ADAM7: variants seen among roughly 807,000 people sequenced by gnomAD.
ADAM7 encodes disintegrin and metalloproteinase domain-containing protein 7.
In ADAM7, 97 loss-of-function variants were observed where a neutral mutation model predicts 102.9. The observed-to-expected ratio is 0.94, with a 90% CI of 0.80 to 1.12. ADAM7 has a LOEUF of 1.12. ADAM7 is among the 50% of genes most tolerant of loss of function. The probability of loss-of-function intolerance (pLI) is 0.00; values close to 1 mark genes in which losing one functional copy is unlikely to be tolerated. For missense variants in ADAM7, 991 were observed against 908.7 expected, an observed-to-expected ratio of 1.09 and a Z score of -1.16; for synonymous variants, 334 against 304.4, an observed-to-expected ratio of 1.10 and a Z score of -1.01.
At chr8:24,501,630 G>C in intron 20 of ADAM7, 54 bp downstream of exon 20, 4 of 1,369,860 alleles carry the variant, frequency 2.9e-6, no homozygotes, top group Non-Finnish European at 4.0e-6. Context: ...TTTTTAAGTA[G>C]CTGAATGTGT....
At chr8:24,468,148 AC>A (rs1443273340) in intron 6 of ADAM7, among the ~76,000 whole-genome samples, 2 of 152,186 alleles carry the variant, frequency 1.3e-5, no homozygotes, top group Non-Finnish European at 2.9e-5. Context: ...AATTGAGACT[AC>A]TGAAAATTAG....
chr8:24,468,574 T>TTTTAATCCC (rs1819505266), intron 6 of ADAM7, among the ~76,000 whole-genome samples, 193 bp from the exon 7 acceptor site: 4 of 152,098 alleles, frequency 2.6e-5, no homozygotes, highest in Admixed American at 2.6e-4. Flanking sequence ...ATCCGATGTA[T>TTTTAATCCC]AGGACCCCAT....
intron 20 of ADAM7, chr8:24,506,270 T>A (rs1585939998): frequency 2.4e-6 from 2 of 832,376 alleles, no homozygotes; most frequent in East Asian, 2.7e-5. Flanking sequence ...ATAACATCGA[T>A]AGCTCTCTGA....
chr8:24,473,933 C>G (rs1819688366), intron 7 of ADAM7, among the ~76,000 whole-genome samples: 1 of 151,990 alleles, frequency 6.6e-6, no homozygotes, highest in African/African-American at 2.4e-5. Context: ...ATTCAACACT[C>G]ATTCATAATA....
intron 7 of ADAM7, among the ~76,000 whole-genome samples, chr8:24,472,562 T>TA (rs1360295636): frequency 6.6e-6 from 1 of 151,868 alleles, no homozygotes; most frequent in Non-Finnish European, 1.5e-5. Context: ...TAACTGACCA[T>TA]AAAAAATAGT....
chr8:24,467,197 A>T, intron 6 of ADAM7: 1 of 599,052 alleles, frequency 1.7e-6, no homozygotes, highest in Non-Finnish European at 2.9e-6. Context: ...TCAAGAAAGG[A>T]TGATTCTACA....
Position 24,442,491 on chromosome 8 carries a change from T to TTC in ADAM7, c.71_72insTC (p.Glu25GlnfsTer14). 6.2e-7 allele frequency: 1 copy of TTC among 1,613,808 alleles called. No homozygotes were observed. Among genetic ancestry groups the TTC allele is most frequent in the East Asian group, 2.2e-5 (1 of 44,872 alleles). ...CTCGTAGAAAAGTTCATCCTTGGAG[T>TTC]AGAGGGTCAACAACTGGTTCGTCCT... On this transcript the variant is annotated frameshift_variant, in exon 2 of 22. Coordinates refer to ENST00000175238, the MANE Select transcript of ADAM7 (RefSeq NM_003817.4). LOFTEE classifies it high-confidence loss of function.
At chr8:24,441,525 C>T (rs1268752092) in intron 1 of ADAM7, among the ~76,000 whole-genome samples, 1 of 152,184 alleles carries the variant, frequency 6.6e-6, no homozygotes, top group Non-Finnish European at 1.5e-5. Context: ...ATTAAATATG[C>T]TACTGCTGGC....
At position 24,482,264 on chromosome 8, in the gene ADAM7, A is replaced by C. The variant is rs1173617836; in HGVS notation, c.828A>C (p.Glu276Asp). ...TTLLRFSFWQ[E>D]KILKTRKDFD... ...TATTGCGTTTTTCATTTTGGCAAGA[A>C]AAGATCCTTAAAACACGGAAGGATT... is the stretch of plus-strand genomic sequence containing the variant. The change falls in exon 9 of 22, where the codon GAA becomes GAC. Residue 276 changes from glutamate (E) to aspartate (D), a missense_variant. By Grantham distance (45) the Glu-to-Asp change is conservative (BLOSUM62 2). Coordinates refer to ENST00000175238, the MANE Select transcript of ADAM7 (RefSeq NM_003817.4). 27 of 1,611,346 alleles carry C rather than the reference A, an allele frequency of 1.7e-5. No homozygotes were observed. In the Admixed American group the frequency reaches 4.5e-4, roughly 27 times the overall value.
At position 24,493,174 on chromosome 8, in the gene ADAM7, A is replaced by G. The variant is rs1285731673; in HGVS notation, c.1787A>G (p.His596Arg). The G allele has an allele frequency of 1.2e-6, 2 of 1,613,226 alleles. No homozygotes were observed. Among genetic ancestry groups the G allele is most frequent in the South Asian group, 1.1e-5 (1 of 90,954 alleles). The part of the protein sequence containing the change: ...TVKCKTIFLY[H>R]DSTDIGLVAS... ...AAATGCAAAACTATTTTTTTATACCATGATTCTACAGACATTGGCCTGGTG... is the reference window on the plus strand; with the variant it reads ...AAATGCAAAACTATTTTTTTATACCGTGATTCTACAGACATTGGCCTGGTG... The change falls in exon 16 of 22, where the codon CAT (histidine) becomes CGT (arginine). Residue 596 changes from histidine to arginine, a missense_variant. His to Arg is a conservative substitution (Grantham distance 29, BLOSUM62 0). Transcript: ENST00000175238.
At chr8:24,473,668 G>A (rs1184704309) in intron 7 of ADAM7, among the ~76,000 whole-genome samples, 1 of 152,128 alleles carries the variant, frequency 6.6e-6, no homozygotes, top group African/African-American at 2.4e-5. Flanking sequence ...ATTGGTAACA[G>A]ATCTAGACAT....
chr8:24,442,720 G>C (rs1818417462), intron 2 of ADAM7, 144 bp downstream of exon 2: 2 of 666,298 alleles, frequency 3.0e-6, no homozygotes, highest in African/African-American at 1.8e-5. Context: ...ATGTGCTTGG[G>C]AATAAGCAAC....
Position 24,509,201 on chromosome 8 carries a change from G to C in ADAM7, c.*655G>C, listed in dbSNP as rs1821040484. ...TCTAGAATTCCTTAAGAAGCTGACA[G>C]AGAAATCAGAGGGTTACAAGAATTT... On this transcript the variant is annotated 3_prime_UTR_variant, in exon 22 of 22. Transcript: ENST00000175238. 1 of 976,300 alleles carries C rather than the reference G, an allele frequency of 1.0e-6. No homozygotes were observed. The highest frequency in any genetic ancestry group is 1.2e-6 in the Non-Finnish European group (1 of 829,904). 60.5% of individuals were successfully genotyped at this position (976,300 alleles called of 1,614,324 possible). A position where few individuals can be genotyped will look rare whatever the true frequency, so the allele number is the denominator to read the frequency against.
intron 20 of ADAM7, among the ~76,000 whole-genome samples, chr8:24,502,028 TAA>T (rs35103610): frequency 0.28 from 42,760 of 151,672 alleles, 6,595 homozygotes; most frequent in South Asian, 0.38. Flanking sequence ...ACTAAAAATA[TAA>T]AGACTAAAAA....
At chr8:24,472,323 A>C (rs1452007588) in intron 7 of ADAM7, among the ~76,000 whole-genome samples, 1 of 152,040 alleles carries the variant, frequency 6.6e-6, no homozygotes, top group African/African-American at 2.4e-5. Flanking sequence ...TGTACAAATA[A>C]CATATTTGAA....
Position 24,494,023 on chromosome 8 carries a change from T to C in ADAM7, c.1842+794T>C, listed in dbSNP as rs138626469. Reference sequence around the variant, plus strand: ...CATACTCTAAACAATAGCTGGCTCATAAAGAATATATGGAAAACACATGAT... The same window carrying C: ...CATACTCTAAACAATAGCTGGCTCACAAAGAATATATGGAAAACACATGAT... On this transcript the variant is annotated intron_variant, in intron 16 of 21. Transcript: ENST00000175238. 3.2e-3 allele frequency among the ~76,000 whole-genome samples: 488 copies of C among 152,260 alleles called. 1 individual carries two copies. Among genetic ancestry groups the C allele is most frequent in the Middle Eastern group, 6.8e-3 (2 of 294 alleles).
rs568132394 is a variant in ADAM7 at position 24,476,103 on chromosome 8, T to A, written c.634-330T>A. 2.0e-5 allele frequency: 8 copies of A among 391,598 alleles called. No homozygotes were observed. In the East Asian group the frequency reaches 5.3e-4, roughly 26 times the overall value. The allele number at this position is 391,598 out of a possible 1,614,324, so 24.3% of individuals were successfully genotyped here. A position where few individuals can be genotyped will look rare whatever the true frequency, so the allele number is the denominator to read the frequency against. On this transcript the variant is annotated intron_variant, in intron 7 of 21. Transcript: ENST00000175238. ...AGCTTTAATAGGTTTGTTTCATCAATGTGATAAAAATGGACTCTAAAGAAC... is the reference window on the plus strand; with the variant it reads ...AGCTTTAATAGGTTTGTTTCATCAAAGTGATAAAAATGGACTCTAAAGAAC...
intron 3 of ADAM7, among the ~76,000 whole-genome samples, chr8:24,457,073 T>C (rs547811911): frequency 6.6e-6 from 1 of 152,312 alleles, no homozygotes; most frequent in South Asian, 2.1e-4. Context: ...CTACCAGCAA[T>C]GTATGAGAAT....
intron 4 of ADAM7, among the ~76,000 whole-genome samples, chr8:24,464,294 G>C (rs781579422): frequency 2.6e-5 from 4 of 151,444 alleles, no homozygotes; most frequent in Non-Finnish European, 4.4e-5. Context: ...CAAGCTAAAC[G>C]GATAAAATCT....
Sources: allele counts gnomAD v4.1 joint callset (sites outside exome capture counted in the v4.1 genomes callset), GRCh38; gene constraint gnomAD v4.1.1; transcripts MANE v1.5; gene names NCBI Gene and HGNC (gene_info 2026-07-23, HGNC 2026-07-21).